The following PCDHA5 variants were observed in gnomAD, a reference collection of about 807,000 sequenced individuals.
The protein encoded by PCDHA5 is protocadherin alpha-5.
A neutral mutation model predicts 61.6 loss-of-function variants in PCDHA5; 43 were observed. The ratio of observed to expected loss-of-function variants is 0.70; its 90% CI spans 0.55 to 0.90. The LOEUF (loss-of-function observed/expected upper bound fraction) is 0.90. Ranked by LOEUF, PCDHA5 falls within the 40% of genes least tolerant of loss-of-function variation. The probability of loss-of-function intolerance (pLI) is 0.00; values close to 1 mark genes in which losing one functional copy is unlikely to be tolerated. For synonymous variants in PCDHA5, 627 were observed against 543.9 expected, an observed-to-expected ratio of 1.15 and a Z score of -2.13; for missense variants, 1,298 against 1,222.7, an observed-to-expected ratio of 1.06 and a Z score of -0.92.
intron 1 of PCDHA5, among the ~76,000 whole-genome samples, chr5:140,971,016 A>G (rs1554232958): frequency 6.6e-6 from 1 of 152,208 alleles, no homozygotes; most frequent in African/African-American, 2.4e-5. Flanking sequence ...AAGTCTTTAG[A>G]TCGTAGCATT....
At chr5:140,994,817 T>C (rs1362838008) in intron 3 of PCDHA5, among the ~76,000 whole-genome samples, 3 of 152,068 alleles carry the variant, frequency 2.0e-5, no homozygotes, top group African/African-American at 7.2e-5. Context: ...TACAAAAAAC[T>C]GAATTGTGTA....
At chr5:140,869,267 A>G in intron 1 of PCDHA5, 1 of 1,613,490 alleles carries the variant, frequency 6.2e-7, no homozygotes, top group South Asian at 1.1e-5. Flanking sequence ...CTGGGGCTGG[A>G]GCTGGCGGAG....
At chr5:140,863,676 C>A (rs1403210762) in intron 1 of PCDHA5, 1 of 292,478 alleles carries the variant, frequency 3.4e-6, no homozygotes, top group Non-Finnish European at 6.7e-6. Context: ...TTTGCTTTTG[C>A]TTTTTCTTTT....
chr5:140,919,954 T>G (rs1159524037), intron 1 of PCDHA5, among the ~76,000 whole-genome samples: 2 of 149,936 alleles, frequency 1.3e-5, no homozygotes, highest in East Asian at 4.0e-4. Context: ...AAAAGTTTGT[T>G]TTGTTTTTTA....
rs782420685 is a variant in PCDHA5, at chr5:140,978,941, T to G, written c.2353-8T>G. 1 of 1,614,158 alleles carries G rather than the reference T, an allele frequency of 6.2e-7. No homozygotes were observed. The highest frequency in any genetic ancestry group is 2.2e-5 in the East Asian group (1 of 44,880). On this transcript the variant is annotated splice_region_variant and splice_polypyrimidine_tract_variant and intron_variant, in intron 1 of 3. Transcript: ENST00000529859. ...TTTTAACAGAAAACTCTCTTTGTGA[T>G]TTTGCAGCCACGACAGCCCAACCCT...
chr5:140,846,373 C>CTTTTTTTTTTTTTTTTTTT (rs374699051), intron 1 of PCDHA5, among the ~76,000 whole-genome samples: 1 of 55,152 alleles, frequency 1.8e-5, no homozygotes, highest in Admixed American at 2.3e-4. Flanking sequence ...TTCTTTCTTT[C>CTTTTTTTTTTTTTTTTTTT]TTTTTTTTTT....
chr5:140,841,896 T>A (rs2150325058), intron 1 of PCDHA5: 2 of 1,613,838 alleles, frequency 1.2e-6, no homozygotes, highest in Middle Eastern at 1.6e-4. Context: ...AATAAACTGG[T>A]TGAGCTCGTA....
At chr5:140,985,067 A>C (rs2153836144) in intron 3 of PCDHA5, among the ~76,000 whole-genome samples, 1 of 152,116 alleles carries the variant, frequency 6.6e-6, no homozygotes, top group East Asian at 1.9e-4. Flanking sequence ...CCTCCTGAGT[A>C]GCTGAGACTA....
intron 1 of PCDHA5, among the ~76,000 whole-genome samples, chr5:140,832,678 C>T (rs1282906655): frequency 6.6e-6 from 1 of 152,042 alleles, no homozygotes; most frequent in African/African-American, 2.4e-5. Context: ...TGAGAATCAT[C>T]GAATTAACAA....
At position 140,849,809 on chromosome 5, in the gene PCDHA5, G is replaced by T. The variant is rs147465571; in HGVS notation, c.2352+25682G>T. 1.1e-3 allele frequency: 1,794 copies of T among 1,598,496 alleles called. 170 individuals are homozygous for T. The highest frequency in any genetic ancestry group is 1.4e-3 in the Non-Finnish European group (1,689 of 1,167,928). On this transcript the variant is annotated intron_variant, in intron 1 of 3. Transcript: ENST00000529859. ...GGGGCTCGCCTTCACTGTGGGCCACGGCCAGGGTGTCTGTGGAGGTGGCCG... is the reference window on the plus strand; with the variant it reads ...GGGGCTCGCCTTCACTGTGGGCCACTGCCAGGGTGTCTGTGGAGGTGGCCG...
At chr5:140,891,174 T>C (rs147745090) in intron 1 of PCDHA5, among the ~76,000 whole-genome samples, 2,208 of 152,320 alleles carry the variant, frequency 0.014, 24 homozygotes, top group Non-Finnish European at 0.022. Flanking sequence ...TTTTCAGATT[T>C]TCTGTGTGTC....
chr5:140,835,722 G>T, intron 1 of PCDHA5: 1 of 1,613,846 alleles, frequency 6.2e-7, no homozygotes. Context: ...GGAGGTGGCC[G>T]ACGTGAACGA....
At chr5:140,871,123 G>A (rs782312325) in intron 1 of PCDHA5, 51 of 1,613,216 alleles carry the variant, frequency 3.2e-5, no homozygotes, top group African/African-American at 1.3e-5. Context: ...GAGCGGACAG[G>A]CGCCAAAGGC....
At chr5:140,914,414 C>A (rs1554196336) in intron 1 of PCDHA5, among the ~76,000 whole-genome samples, 1 of 152,038 alleles carries the variant, frequency 6.6e-6, no homozygotes, top group African/African-American at 2.4e-5. Context: ...GTTTTGTTTC[C>A]ATTAGCAAGG....
chr5:140,859,050 C>T lies in PCDHA5; in HGVS notation c.2352+34923C>T, dbSNP rs1375477710. ...TGCTTTGAACTTTAAAAACGTTTTC[C>T]ATTTTTATTTTAGTTGTAGTGGTAC... On this transcript the variant is annotated intron_variant, in intron 1 of 3. Transcript: ENST00000529859. 1.3e-5 allele frequency: 2 copies of T among 150,490 alleles called. 1 individual carries two copies. The highest frequency in any genetic ancestry group is 3.0e-5 in the Non-Finnish European group (2 of 67,566). The allele number at this position is 150,490 out of a possible 1,614,324, so 9.3% of individuals were successfully genotyped here.
intron 1 of PCDHA5, among the ~76,000 whole-genome samples, chr5:140,840,298 T>C (rs1378373140): frequency 6.6e-6 from 1 of 152,042 alleles, no homozygotes; most frequent in African/African-American, 2.4e-5. Context: ...ATTGATTAGA[T>C]ATTCTTTTAA....
intron 1 of PCDHA5, chr5:140,871,160 C>G (rs1554165222): frequency 1.2e-6 from 2 of 1,613,470 alleles, no homozygotes; most frequent in South Asian, 1.1e-5. Flanking sequence ...GCGGGCGCCG[C>G]GAGCCCAGAG....
intron 1 of PCDHA5, chr5:140,841,417 C>G (rs2150314997): frequency 2.5e-6 from 4 of 1,613,050 alleles, no homozygotes; most frequent in Non-Finnish European, 3.4e-6. Flanking sequence ...GCCAGCTCCA[C>G]TACTCCGTCC....
chr5:140,890,096 C>T (rs967857035), intron 1 of PCDHA5, among the ~76,000 whole-genome samples: 1 of 152,124 alleles, frequency 6.6e-6, no homozygotes, highest in Non-Finnish European at 1.5e-5. Flanking sequence ...AAATTTATTC[C>T]CAACTCTGGA....
Sources: gnomAD v4.1 joint callset for allele counts (sites outside exome capture counted in the v4.1 genomes callset) on GRCh38, gnomAD v4.1.1 for gene constraint, MANE v1.5 for transcripts, NCBI Gene and HGNC (gene_info 2026-07-23, HGNC 2026-07-21) for gene names.